TDP1: variants seen among roughly 807,000 people sequenced by gnomAD.
The protein encoded by TDP1 is tyrosyl-DNA phosphodiesterase 1.
TDP1 carries 64 observed loss-of-function variants against 81.5 expected under a neutral mutation model. The observed-to-expected ratio is 0.79, with a 90% CI of 0.64 to 0.97. TDP1 has a LOEUF of 0.97. Among genes scored for constraint, TDP1 ranks in the 50% least tolerant of loss-of-function variants. The pLI is 0.00. For missense variants in TDP1, 723 were observed against 743.8 expected (o/e 0.97, Z 0.33); for synonymous variants, 256 against 264.3 (o/e 0.97, Z 0.30).
intron 10 of TDP1, among the ~76,000 whole-genome samples, chr14:89,986,235 T>C (rs1319245893): frequency 6.6e-6 from 1 of 152,272 alleles, no homozygotes; most frequent in Admixed American, 6.5e-5. Flanking sequence ...CACATTGGCC[T>C]GTGCCCAGTC....
At chr14:90,020,373 T>TCCCC (rs1885846033) in intron 15 of TDP1, among the ~76,000 whole-genome samples, 1 of 37,420 alleles carries the variant, frequency 2.7e-5, no homozygotes, top group African/African-American at 8.3e-5. Context: ...CCTCCCTCCC[T>TCCCC]CCCTTCCTTC....
At chr14:89,998,171 A>G (rs1896799574) in intron 14 of TDP1, among the ~76,000 whole-genome samples, 1 of 151,844 alleles carries the variant, frequency 6.6e-6, no homozygotes, top group African/African-American at 2.4e-5. Flanking sequence ...TCATAATACA[A>G]CATTTTGGAA....
At position 90,043,934 on chromosome 14, in the gene TDP1, T is replaced by C. The variant is rs1888594460; in HGVS notation, c.*791T>C. The C allele has an allele frequency of 6.6e-6, 1 of 152,374 alleles. No homozygotes were observed. The highest frequency in any genetic ancestry group is 2.1e-4 in the South Asian group (1 of 4,830). 9.4% of individuals were successfully genotyped at this position (152,374 alleles called of 1,614,324 possible). A position where few individuals can be genotyped will look rare whatever the true frequency, so the allele number is the denominator to read the frequency against. ...TTTTCACCGATGCCCTCTCTCAGCTTTCTGAGTACGTCTCTTGGGGTCGCT... is the reference window on the plus strand; with the variant it reads ...TTTTCACCGATGCCCTCTCTCAGCTCTCTGAGTACGTCTCTTGGGGTCGCT... On this transcript the variant is annotated 3_prime_UTR_variant, in exon 17 of 17. Coordinates refer to ENST00000335725, the MANE Select transcript of TDP1 (RefSeq NM_018319.4).
intron 14 of TDP1, among the ~76,000 whole-genome samples, chr14:90,002,697 C>T (rs1232460498): frequency 6.7e-6 from 1 of 150,054 alleles, no homozygotes; most frequent in African/African-American, 2.5e-5. Context: ...TGGTAAAACC[C>T]CATCTCTACA....
intron 14 of TDP1, among the ~76,000 whole-genome samples, chr14:90,015,473 A>G (rs1885201965): frequency 6.6e-6 from 1 of 152,242 alleles, no homozygotes; most frequent in Non-Finnish European, 1.5e-5. Flanking sequence ...GCAAGGGGAC[A>G]ATAAACTGCC....
intron 8 of TDP1, 182 bp downstream of exon 8, chr14:89,980,814 C>A (rs1017804399): frequency 1.3e-5 from 8 of 611,924 alleles, no homozygotes; most frequent in Non-Finnish European, 2.3e-5. Context: ...CCCATTCTAC[C>A]TTCTTGGGGT....
At position 89,991,920 on chromosome 14, in the gene TDP1, G is replaced by C. The variant is rs552293742; in HGVS notation, c.1370G>C (p.Gly457Ala). ...VRTSLEGYPA[G>A]GSLPYSIQTA... ...TGTTTTATTTTTCTTTTAAAAGCTG[G>C]GGGCTCTCTTCCCTATAGCATCCAG... The change falls in exon 13 of 17, where the codon GGG becomes GCG. Residue 457 changes from glycine (G) to alanine (A), a missense_variant. Physicochemically the swap from Gly to Ala is moderately conservative, Grantham distance 60. Coordinates refer to ENST00000335725, the MANE Select transcript of TDP1 (RefSeq NM_018319.4). The C allele has an allele frequency of 6.2e-7, 1 of 1,607,756 alleles. No individual in the cohort carries two copies. The highest frequency in any genetic ancestry group is 1.3e-5 in the African/African-American group (1 of 74,886).
At chr14:89,958,145 A>T (rs891396642) in intron 2 of TDP1, 5 of 152,314 alleles carry the variant, frequency 3.3e-5, no homozygotes, top group Non-Finnish European at 7.3e-5. Context: ...AGGGGGATGC[A>T]GTAGTGCCCA....
chr14:89,991,073 T>C (rs889512906), intron 12 of TDP1, among the ~76,000 whole-genome samples: 1 of 152,160 alleles, frequency 6.6e-6, no homozygotes, highest in African/African-American at 2.4e-5. Context: ...AAAGTCTGTT[T>C]GGAAATAGTG....
rs116158594 is a variant in TDP1, at chr14:89,978,464, A to G, written c.792-2076A>G. ...GTTAGTTCTCTTCCCCCTTTGCAGG[A>G]ATAGCTGCGCATTTGGGTTGGGTCC... is the stretch of plus-strand genomic sequence containing the variant. On this transcript the variant is annotated intron_variant, in intron 7 of 16. Transcript: ENST00000335725. 2.4e-3 allele frequency among the ~76,000 whole-genome samples: 367 copies of G among 152,372 alleles called. 1 individual carries two copies. Among genetic ancestry groups the G allele is most frequent in the African/African-American group, 8.1e-3 (337 of 41,588 alleles).
At chr14:89,985,265 C>G (rs1227774850) in intron 10 of TDP1, 55 bp downstream of exon 10, 2 of 1,005,488 alleles carry the variant, frequency 2.0e-6, no homozygotes, top group East Asian at 2.6e-5. Flanking sequence ...TATATTCTCT[C>G]TTTTAAAATA....
At chr14:89,990,547 CTTTTTTT>C (rs34248681) in intron 12 of TDP1, among the ~76,000 whole-genome samples, 6 of 102,408 alleles carry the variant, frequency 5.9e-5, no homozygotes, top group Admixed American at 1.1e-4. Context: ...TGTATTAGCC[CTTTTTTT>C]TTTTTTTTTT....
chr14:89,971,113 G>A, intron 5 of TDP1, 62 bp from the exon 6 acceptor site: 1 of 1,441,500 alleles, frequency 6.9e-7, no homozygotes, highest in African/African-American at 1.4e-5. Context: ...CGGGATTACA[G>A]GTGTGAGCCA....
intron 4 of TDP1, 46 bp from the exon 5 acceptor site, chr14:89,967,321 G>T: frequency 1.9e-6 from 3 of 1,567,214 alleles, no homozygotes; most frequent in South Asian, 2.2e-5. Context: ...TGAACTGTTT[G>T]GCAGAATTAC....
intron 10 of TDP1, 65 bp downstream of exon 10, chr14:89,985,275 AATTAT>A: frequency 1.1e-6 from 1 of 928,754 alleles, no homozygotes; most frequent in Non-Finnish European, 1.7e-6. Context: ...CTTTTAAAAT[AATTAT>A]ATATTTTGAT....
At chr14:90,025,230 C>T (rs961718892) in intron 15 of TDP1, among the ~76,000 whole-genome samples, 3 of 152,194 alleles carry the variant, frequency 2.0e-5, no homozygotes, top group African/African-American at 7.2e-5. Context: ...ATGATTAGGA[C>T]CTGTCACTCT....
intron 6 of TDP1, among the ~76,000 whole-genome samples, chr14:89,973,900 C>T (rs1175189590): frequency 6.6e-6 from 1 of 152,126 alleles, no homozygotes; most frequent in Non-Finnish European, 1.5e-5. Context: ...GCCACGTTCT[C>T]ACGGTGTCCT....
chr14:90,004,432 C>A (rs891287116), intron 14 of TDP1, among the ~76,000 whole-genome samples: 1 of 152,170 alleles, frequency 6.6e-6, no homozygotes, highest in Non-Finnish European at 1.5e-5. Flanking sequence ...GCTGGCCAAG[C>A]GCTTTTTTAT....
chr14:90,020,274 C>G (rs1198430476), intron 15 of TDP1, among the ~76,000 whole-genome samples: 1 of 149,922 alleles, frequency 6.7e-6, no homozygotes, highest in Non-Finnish European at 1.5e-5. Flanking sequence ...CCTCCTTATA[C>G]TCACTGTGGG....
Sources: allele counts gnomAD v4.1 joint callset (sites outside exome capture counted in the v4.1 genomes callset), GRCh38; gene constraint gnomAD v4.1.1; transcripts MANE v1.5; gene names NCBI Gene and HGNC (gene_info 2026-07-23, HGNC 2026-07-21).